KLF13: variants seen among roughly 807,000 people sequenced by gnomAD.
The protein encoded by KLF13 is KLF transcription factor 13.
Under a neutral mutation model 16.7 loss-of-function variants are expected in KLF13, and 8 were observed. The ratio of observed to expected loss-of-function variants is 0.48; its 90% CI spans 0.28 to 0.87. The LOEUF (loss-of-function observed/expected upper bound fraction) is 0.87, where lower values mean the gene tolerates loss of function less well. KLF13 is among the 40% of genes least tolerant of loss of function. KLF13 has a pLI of 0.10. For missense variants in KLF13, 447 were observed against 452.2 expected, an observed-to-expected ratio of 0.99 and a Z score of 0.10; for synonymous variants, 245 against 208.4, an observed-to-expected ratio of 1.18 and a Z score of -1.51.
intron 2 of KLF13, among the ~76,000 whole-genome samples, chr15:31,395,469 T>C (rs990488225): frequency 1.3e-5 from 2 of 152,232 alleles, no homozygotes; most frequent in South Asian, 2.1e-4. Flanking sequence ...TATTTATTTA[T>C]TTATTTTTGG....
At position 31,376,904 on chromosome 15, in the gene KLF13, A is replaced by G. The variant is rs192911544; in HGVS notation, c.*4605A>G. On this transcript the variant is annotated 3_prime_UTR_variant, in exon 2 of 2. Coordinates refer to ENST00000307145, the MANE Select transcript of KLF13 (RefSeq NM_015995.4). ...CTTTAAAACTTTACTACTTTTATTT[A>G]AAAATGAACTGGATGGGAGAGAAGT... 20 of 151,566 alleles carry G rather than the reference A, an allele frequency of 1.3e-4. No homozygotes were observed. The East Asian group carries it at 3.9e-3, about 30-fold the overall frequency. The allele number at this position is 151,566 out of a possible 1,614,324, so 9.4% of individuals were successfully genotyped here.
Position 31,357,688 on chromosome 15 carries a change from C to G in KLF13, c.578-14322C>G, listed in dbSNP as rs1877588258. Among the ~76,000 whole-genome samples the G allele has an allele frequency of 3.3e-5, 5 of 152,040 alleles. No individual in the cohort carries two copies. In the South Asian group the frequency reaches 1.0e-3, roughly 32 times the overall value. ...AGAGCTCCCTCCTGTGTAGACCCTC[C>G]CAGAAAGTCAGCCTCTGGTTCCTGG... On this transcript the variant is annotated intron_variant, in intron 1 of 1. Coordinates refer to ENST00000307145, the MANE Select transcript of KLF13 (RefSeq NM_015995.4).
intron 1 of KLF13, among the ~76,000 whole-genome samples, chr15:31,346,049 C>T (rs1478820019): frequency 6.6e-6 from 1 of 152,038 alleles, no homozygotes; most frequent in East Asian, 1.9e-4. Flanking sequence ...GCGTGAGCCC[C>T]TCTGTACAGA....
rs143468577 is a variant in KLF13 at position 31,345,843 on chromosome 15, G to A, written c.577+18054G>A. On this transcript the variant is annotated intron_variant, in intron 1 of 1. Transcript: ENST00000307145. ...ACACGAGGTCATATTTGCACCGTCA[G>A]TTTACCGGGGGCAAATGACCTTCTG... Among the ~76,000 whole-genome samples, 229 of 152,286 alleles carry A rather than the reference G, an allele frequency of 1.5e-3. 1 individual carries two copies. The highest frequency in any genetic ancestry group is 1.0e-2 in the South Asian group (48 of 4,822).
intron 1 of KLF13, among the ~76,000 whole-genome samples, chr15:31,418,803 G>C (rs2040287078): frequency 6.6e-6 from 1 of 152,138 alleles, no homozygotes; most frequent in Non-Finnish European, 1.5e-5. Flanking sequence ...TCAAGAATGA[G>C]TAATTTATAA....
intron 1 of KLF13, among the ~76,000 whole-genome samples, chr15:31,340,563 A>AT (rs543208874): frequency 4.5e-4 from 69 of 152,234 alleles, no homozygotes; most frequent in African/African-American, 1.2e-3. Flanking sequence ...GCAGAATTTG[A>AT]TTTTTTTTCC....
At chr15:31,421,882 G>A (rs552636670) in intron 1 of KLF13, among the ~76,000 whole-genome samples, 1 of 152,274 alleles carries the variant, frequency 6.6e-6, no homozygotes, top group Non-Finnish European at 1.5e-5. Flanking sequence ...GGGAGGCCAG[G>A]ACGGGCAGAT....
chr15:31,430,727 A>C (rs1048317929), intron 1 of KLF13, among the ~76,000 whole-genome samples: 2 of 152,252 alleles, frequency 1.3e-5, no homozygotes, highest in Non-Finnish European at 2.9e-5. Context: ...ACAAGTTGAA[A>C]GAGAAGATAT....
chr15:31,359,208 G>A (rs563610519), intron 1 of KLF13, among the ~76,000 whole-genome samples: 36 of 152,302 alleles, frequency 2.4e-4, no homozygotes, highest in African/African-American at 7.9e-4. Context: ...TCGGGTGTGC[G>A]TGAAGGAGAG....
At position 31,327,142 on chromosome 15, in the gene KLF13, C is replaced by A; in HGVS notation, c.-71C>A. 1 of 1,228,744 alleles carries A rather than the reference C, an allele frequency of 8.1e-7. No individual in the cohort carries two copies. Among genetic ancestry groups the A allele is most frequent in the Non-Finnish European group, 1.0e-6 (1 of 980,636 alleles). The allele number at this position is 1,228,744 out of a possible 1,614,324, so 76.1% of individuals were successfully genotyped here. A position where few individuals can be genotyped will look rare whatever the true frequency, so the allele number is the denominator to read the frequency against. ...CGCCCCCGCCCCCCGCCCGCTCTCC[C>A]GAGGCCGTGGGTGCGGATGCGCGGC... On this transcript the variant is annotated 5_prime_UTR_variant, in exon 1 of 2. Transcript: ENST00000307145.
At chr15:31,328,200 C>T (rs1174214091) in intron 1 of KLF13, among the ~76,000 whole-genome samples, 1 of 149,984 alleles carries the variant, frequency 6.7e-6, no homozygotes, top group Non-Finnish European at 1.5e-5. Context: ...GGGACGCTCT[C>T]CGGGGTCCCT....
At chr15:31,379,739 G>A (rs1444617833), downstream of KLF13, among the ~76,000 whole-genome samples, 1 of 152,212 alleles carries the variant, frequency 6.6e-6, no homozygotes, top group Non-Finnish European at 1.5e-5. Flanking sequence ...GAGGGTCTGT[G>A]GCTGACAGGT....
chr15:31,328,608 C>T (rs533911022), intron 1 of KLF13, among the ~76,000 whole-genome samples: 106 of 151,694 alleles, frequency 7.0e-4, no homozygotes, highest in African/African-American at 2.5e-3. Context: ...CGGTGCGGGG[C>T]GGGCGGCACC....
intron 1 of KLF13, among the ~76,000 whole-genome samples, chr15:31,361,328 T>C (rs1021025807): frequency 4.6e-5 from 7 of 152,186 alleles, no homozygotes; most frequent in African/African-American, 1.4e-4. Flanking sequence ...AGGCCCACCC[T>C]TCTGGGTGTG....
intron 1 of KLF13, among the ~76,000 whole-genome samples, chr15:31,331,389 T>A (rs2038829338): frequency 6.6e-6 from 1 of 152,206 alleles, no homozygotes; most frequent in Non-Finnish European, 1.5e-5. Context: ...CACCTGAAAT[T>A]TATCTTTACC....
chr15:31,392,635 C>G (rs2039888842), upstream of KLF13, among the ~76,000 whole-genome samples: 1 of 152,226 alleles, frequency 6.6e-6, no homozygotes. Flanking sequence ...TGGGGGTCCG[C>G]CCTAGAAATA....
chr15:31,421,840 G>T (rs75556751), intron 1 of KLF13, among the ~76,000 whole-genome samples: 10,849 of 152,086 alleles, frequency 0.071, 494 homozygotes, highest in South Asian at 0.12. Flanking sequence ...CTGGCCGAGC[G>T]CGGTGGCTCA....
At chr15:31,422,964 GA>G (rs2040346572) in intron 1 of KLF13, among the ~76,000 whole-genome samples, 1 of 151,340 alleles carries the variant, frequency 6.6e-6, no homozygotes, top group South Asian at 2.1e-4. Flanking sequence ...TTGAACCTGG[GA>G]GACAGAGGTT....
chr15:31,351,069 A>AT (rs2039208407), intron 1 of KLF13, among the ~76,000 whole-genome samples: 1 of 152,182 alleles, frequency 6.6e-6, no homozygotes, highest in African/African-American at 2.4e-5. Context: ...CCTGGCGCAG[A>AT]TTCTGAGTTG....
Sources: gnomAD v4.1 joint callset for allele counts (sites outside exome capture counted in the v4.1 genomes callset) on GRCh38, gnomAD v4.1.1 for gene constraint, MANE v1.5 for transcripts, NCBI Gene and HGNC (gene_info 2026-07-23, HGNC 2026-07-21) for gene names.